Variants in TPD52 observed in about 807,000 individuals in gnomAD.
TPD52 encodes the protein tumor protein D52.
A neutral mutation model predicts 31.3 loss-of-function variants in TPD52; 17 were observed. The observed-to-expected ratio is 0.54, with a 90% CI of 0.37 to 0.82. The LOEUF (loss-of-function observed/expected upper bound fraction) is 0.82. Ranked by LOEUF, TPD52 falls within the 40% of genes least tolerant of loss-of-function variation. The probability of loss-of-function intolerance (pLI) is 0.00; values close to 1 mark genes in which losing one functional copy is unlikely to be tolerated. For synonymous variants in TPD52, 83 were observed against 89.6 expected, an observed-to-expected ratio of 0.93 and a Z score of 0.42; for missense variants, 212 against 240.1, an observed-to-expected ratio of 0.88 and a Z score of 0.77.
In TPD52 at chr8:80,116,069, G is replaced by A. The variant is rs528581243; in HGVS notation, c.20-51476C>T. Among the ~76,000 whole-genome samples the A allele has an allele frequency of 4.5e-4, 68 of 152,170 alleles. 3 individuals carry two copies. In the South Asian group the frequency reaches 1.0e-2, roughly 22 times the overall value. ...TAATTTGTCAATATCTACTAATATT[G>A]AACATTATATCCCTTTGACCTAACA... is the stretch of plus-strand genomic sequence containing the variant. On this transcript the variant is annotated intron_variant, in intron 1 of 7. Transcript: ENST00000518937.
At chr8:80,134,364 T>C (rs1286007985) in intron 1 of TPD52, among the ~76,000 whole-genome samples, 1 of 152,204 alleles carries the variant, frequency 6.6e-6, no homozygotes, top group Admixed American at 6.5e-5. Flanking sequence ...TAAGAAAACA[T>C]TCATATAGTA....
intron 1 of TPD52, among the ~76,000 whole-genome samples, chr8:80,168,405 C>T (rs1262337952): frequency 6.6e-6 from 1 of 152,096 alleles, no homozygotes; most frequent in Non-Finnish European, 1.5e-5. Flanking sequence ...ACTAGAGTTT[C>T]ATTAGGGATT....
At chr8:80,159,603 G>C (rs1319816916) in intron 1 of TPD52, among the ~76,000 whole-genome samples, 1 of 152,132 alleles carries the variant, frequency 6.6e-6, no homozygotes, top group Non-Finnish European at 1.5e-5. Context: ...TGTTTCATTT[G>C]TAACGTAGGG....
intron 1 of TPD52, among the ~76,000 whole-genome samples, chr8:80,137,521 A>T (rs565992566): frequency 1.2e-4 from 18 of 152,306 alleles, no homozygotes; most frequent in Middle Eastern, 3.4e-3. Flanking sequence ...GATTGTATAC[A>T]TTACCTGCCT....
intron 1 of TPD52, among the ~76,000 whole-genome samples, chr8:80,131,524 C>T (rs1411872301): frequency 1.3e-5 from 2 of 152,316 alleles, no homozygotes; most frequent in Admixed American, 1.3e-4. Context: ...CTTGGCAAGA[C>T]TCCAGCTGAA....
At chr8:80,058,032 C>T (rs189704966) in intron 2 of TPD52, among the ~76,000 whole-genome samples, 2 of 152,194 alleles carry the variant, frequency 1.3e-5, no homozygotes, top group East Asian at 1.9e-4. Flanking sequence ...CTCAGTTTAA[C>T]GCCTCCCACA....
At chr8:80,053,654 C>T (rs1454571966) in intron 2 of TPD52, among the ~76,000 whole-genome samples, 2 of 152,138 alleles carry the variant, frequency 1.3e-5, no homozygotes, top group African/African-American at 4.8e-5. Context: ...ATAATCCCAT[C>T]TTAAGCTGTT....
intron 1 of TPD52, among the ~76,000 whole-genome samples, chr8:80,082,574 C>T (rs1319337167): frequency 1.3e-5 from 2 of 152,240 alleles, no homozygotes; most frequent in Non-Finnish European, 2.9e-5. Flanking sequence ...ATCCATGTGA[C>T]ACGCTCTACC....
chr8:80,106,029 A>C (rs908275570), intron 1 of TPD52, among the ~76,000 whole-genome samples: 1 of 152,098 alleles, frequency 6.6e-6, no homozygotes, highest in East Asian at 1.9e-4. Flanking sequence ...CTATTCATGA[A>C]TGGGTTTTGC....
intron 2 of TPD52, among the ~76,000 whole-genome samples, chr8:80,059,166 T>A (rs1191610164): frequency 6.6e-6 from 1 of 151,560 alleles, no homozygotes; most frequent in East Asian, 1.9e-4. Flanking sequence ...ACCAGAAAAT[T>A]CACAACTATG....
At chr8:80,148,813 C>A (rs1439366454) in intron 1 of TPD52, among the ~76,000 whole-genome samples, 1 of 152,150 alleles carries the variant, frequency 6.6e-6, no homozygotes, top group Non-Finnish European at 1.5e-5. Context: ...TGAAGAACTA[C>A]AAAGAAACAG....
chr8:80,074,982 A>T (rs1019978200), intron 1 of TPD52, among the ~76,000 whole-genome samples: 7 of 151,266 alleles, frequency 4.6e-5, no homozygotes, highest in Admixed American at 4.0e-4. Context: ...GTTATTTTTT[A>T]TTTTTTTTTA....
chr8:80,144,329 G>A (rs957900406), intron 1 of TPD52, among the ~76,000 whole-genome samples: 29 of 152,188 alleles, frequency 1.9e-4, no homozygotes, highest in African/African-American at 6.3e-4. Flanking sequence ...ATAAAACAGT[G>A]CCTTAAAAAA....
intron 3 of TPD52, 93 bp from the exon 4 acceptor site, chr8:80,051,721 G>T: frequency 1.0e-6 from 1 of 989,818 alleles, no homozygotes; most frequent in South Asian, 1.7e-5. Flanking sequence ...CCACCTGCTG[G>T]AGAACTCTCA....
chr8:80,043,597 A>G (rs1178638925), intron 6 of TPD52, among the ~76,000 whole-genome samples: 1 of 152,178 alleles, frequency 6.6e-6, no homozygotes, highest in Admixed American at 6.5e-5. Context: ...CAGAGGCTCT[A>G]GAGGTGGGGC....
chr8:80,059,725 G>A (rs543472620), intron 2 of TPD52, among the ~76,000 whole-genome samples: 2 of 146,840 alleles, frequency 1.4e-5, no homozygotes, highest in South Asian at 2.2e-4. Flanking sequence ...GTGGTGGCAC[G>A]TGCCTGTAAT....
intron 1 of TPD52, among the ~76,000 whole-genome samples, chr8:80,111,835 G>C (rs1358738435): frequency 1.3e-5 from 2 of 152,228 alleles, no homozygotes; most frequent in Non-Finnish European, 2.9e-5. Context: ...GTTTTCATCA[G>C]TGTAAGCCTC....
At chr8:80,171,363 A>AAAGCCCGAGTCC (rs201086010) in intron 1 of TPD52, 62 bp downstream of exon 1, 177 of 1,588,240 alleles carry the variant, frequency 1.1e-4, no homozygotes, top group Middle Eastern at 1.7e-4. Flanking sequence ...GCGCCGAGCC[A>AAAGCCCGAGTCC]AAGCCCGAGT....
At chr8:80,127,918 G>A (rs971096684) in intron 1 of TPD52, among the ~76,000 whole-genome samples, 1 of 151,656 alleles carries the variant, frequency 6.6e-6, no homozygotes, top group African/African-American at 2.4e-5. Flanking sequence ...TCAAAAATCA[G>A]GGAAGTAGAT....
Sources: gnomAD v4.1 joint callset for allele counts (sites outside exome capture counted in the v4.1 genomes callset) on GRCh38, gnomAD v4.1.1 for gene constraint, MANE v1.5 for transcripts, NCBI Gene and HGNC (gene_info 2026-07-23, HGNC 2026-07-21) for gene names.